GAR1: variants seen among roughly 807,000 people sequenced by gnomAD.
GAR1 encodes the protein GAR1 ribonucleoprotein.
A neutral mutation model predicts 29.3 loss-of-function variants in GAR1; 11 were observed. That is an observed-to-expected ratio of 0.38 (90% CI 0.24 to 0.62). The LOEUF is 0.62. GAR1 is among the 20% of genes least tolerant of loss of function. The pLI is 0.62. For missense variants in GAR1, 237 were observed against 268.4 expected (o/e 0.88, Z 0.82); for synonymous variants, 87 against 93.3 (o/e 0.93, Z 0.39).
Position 109,824,538 on chromosome 4 carries a change from G to A in GAR1, c.*107G>A. ...TCTTGAACAAGTCTTGAAGATCTTG[G>A]TCATTTTATGACAATGGATCTAAAA... On this transcript the variant is annotated 3_prime_UTR_variant, in exon 7 of 7. Transcript: ENST00000226796. The A allele has an allele frequency of 1.2e-6, 1 of 843,020 alleles. No individual in the cohort carries two copies. 52.2% of individuals were successfully genotyped at this position (843,020 alleles called of 1,614,324 possible). A position where few individuals can be genotyped will look rare whatever the true frequency, so the allele number is the denominator to read the frequency against.
At chr4:109,821,255 G>A (rs373576808) in intron 4 of GAR1, among the ~76,000 whole-genome samples, 1 of 152,202 alleles carries the variant, frequency 6.6e-6, no homozygotes, top group Non-Finnish European at 1.5e-5. Flanking sequence ...CTCAGGAACT[G>A]AATTTTTAAA....
chr4:109,820,134 A>C (rs4610335), intron 4 of GAR1, among the ~76,000 whole-genome samples: 25,773 of 152,128 alleles, frequency 0.17, 2,658 homozygotes, highest in Admixed American at 0.33. Context: ...GGTATTTTGG[A>C]CTCGGTAGTG....
Position 109,824,462 on chromosome 4 carries a change from C to G in GAR1, c.*31C>G. On this transcript the variant is annotated 3_prime_UTR_variant, in exon 7 of 7. Transcript: ENST00000226796. Reference sequence around the variant, plus strand: ...ACAGTTGACAGACATCACCAGTTGACTTCTGCATTAACCTGCATGATCTGT... The same window carrying G: ...ACAGTTGACAGACATCACCAGTTGAGTTCTGCATTAACCTGCATGATCTGT... 6.5e-7 allele frequency: 1 copy of G among 1,528,452 alleles called. No individual in the cohort carries two copies. The highest frequency in any genetic ancestry group is 9.1e-7 in the Non-Finnish European group (1 of 1,102,946). 94.7% of individuals were successfully genotyped at this position (1,528,452 alleles called of 1,614,324 possible).
chr4:109,822,655 C>A, intron 5 of GAR1, 167 bp downstream of exon 5: 1 of 632,928 alleles, frequency 1.6e-6, no homozygotes, highest in Non-Finnish European at 2.5e-6. Context: ...TTCATTTCAA[C>A]AACTTACTTA....
intron 4 of GAR1, 183 bp downstream of exon 4, chr4:109,819,243 C>A: frequency 1.7e-6 from 1 of 599,234 alleles, no homozygotes; most frequent in Non-Finnish European, 3.0e-6. Context: ...TTTGATACAG[C>A]CTTTAGAAAG....
chr4:109,822,615 A>T, intron 5 of GAR1, 127 bp downstream of exon 5: 1 of 900,722 alleles, frequency 1.1e-6, no homozygotes, highest in Non-Finnish European at 1.6e-6. Context: ...CTGCTTTCCA[A>T]TATTGGCAGA....
In GAR1 at chr4:109,824,555, G is replaced by C. The variant is rs1416044734; in HGVS notation, c.*124G>C. 1 of 764,872 alleles carries C rather than the reference G, an allele frequency of 1.3e-6. No homozygotes were observed. Among genetic ancestry groups the C allele is most frequent in the Non-Finnish European group, 2.3e-6 (1 of 432,646 alleles). 47.4% of individuals were successfully genotyped at this position (764,872 alleles called of 1,614,324 possible). On this transcript the variant is annotated 3_prime_UTR_variant, in exon 7 of 7. Coordinates refer to ENST00000226796, the MANE Select transcript of GAR1 (RefSeq NM_018983.4). ...AGATCTTGGTCATTTTATGACAATGGATCTAAAATGTCAGCATCATGCAAA... is the reference window on the plus strand; with the variant it reads ...AGATCTTGGTCATTTTATGACAATGCATCTAAAATGTCAGCATCATGCAAA...
intron 5 of GAR1, among the ~76,000 whole-genome samples, chr4:109,823,210 G>A (rs13141065): frequency 0.22 from 33,053 of 152,066 alleles, 4,446 homozygotes; most frequent in East Asian, 0.43. Flanking sequence ...GTGATGGGGT[G>A]ATGGGCAGAG....
At chr4:109,822,856 A>T (rs553593938) in intron 5 of GAR1, among the ~76,000 whole-genome samples, 1 of 152,302 alleles carries the variant, frequency 6.6e-6, no homozygotes, top group East Asian at 1.9e-4. Context: ...TATTTTTAAT[A>T]CTCAGCGAAA....
chr4:109,824,241 T>G (rs1002509582), intron 6 of GAR1, among the ~76,000 whole-genome samples, 177 bp from the exon 7 acceptor site: 3 of 152,158 alleles, frequency 2.0e-5, no homozygotes, highest in Non-Finnish European at 2.9e-5. Flanking sequence ...CTAATTTGTT[T>G]TGCTTTATTA....
At chr4:109,818,160 T>A in intron 3 of GAR1, 70 bp downstream of exon 3, 1 of 1,092,744 alleles carries the variant, frequency 9.2e-7, no homozygotes, top group Non-Finnish European at 1.3e-6. Flanking sequence ...AGGAGGCAGT[T>A]AAGTATAAAT....
At chr4:109,819,843 G>A (rs1733464473) in intron 4 of GAR1, among the ~76,000 whole-genome samples, 1 of 152,322 alleles carries the variant, frequency 6.6e-6, no homozygotes, top group East Asian at 1.9e-4. Context: ...GATACAAAAA[G>A]GCAGACATAT....
intron 2 of GAR1, 66 bp from the exon 3 acceptor site, chr4:109,817,870 C>T: frequency 7.4e-7 from 1 of 1,348,398 alleles, no homozygotes; most frequent in Non-Finnish European, 1.0e-6. Flanking sequence ...AGAAAGCTTC[C>T]AGAAGCAGTT....
At chr4:109,823,937 G>A (rs754050816) in intron 5 of GAR1, 28 bp from the exon 6 acceptor site, 1 of 1,405,508 alleles carries the variant, frequency 7.1e-7, no homozygotes, top group African/African-American at 1.4e-5. Flanking sequence ...TAAATACTTT[G>A]CGTTATTATT....
rs78649517 is a variant in GAR1 at position 109,819,074 on chromosome 4, A to G, written c.429+14A>G. Reference sequence around the variant, plus strand: ...AAACTACAGAAGGTGAGTCAAACTTATGATACTTGGGATCCTTGGTTTTAT... The same window carrying G: ...AAACTACAGAAGGTGAGTCAAACTTGTGATACTTGGGATCCTTGGTTTTAT... On this transcript the variant is annotated intron_variant, in intron 4 of 6. Coordinates refer to ENST00000226796, the MANE Select transcript of GAR1 (RefSeq NM_018983.4). The G allele has an allele frequency of 7.1e-7, 1 of 1,400,342 alleles. No individual in the cohort carries two copies. Among genetic ancestry groups the G allele is most frequent in the Non-Finnish European group, 1.0e-6 (1 of 985,454 alleles). The allele number at this position is 1,400,342 out of a possible 1,614,324, so 86.7% of individuals were successfully genotyped here.
intron 6 of GAR1, 95 bp downstream of exon 6, chr4:109,824,128 G>A: frequency 1.2e-6 from 1 of 853,696 alleles, no homozygotes; most frequent in Non-Finnish European, 1.9e-6. Flanking sequence ...TTCTCTGCCA[G>A]CAAGTATATA....
In GAR1 at chr4:109,822,401, C is replaced by T; in HGVS notation, c.484C>T (p.Pro162Ser). 1 of 1,611,178 alleles carries T rather than the reference C, an allele frequency of 6.2e-7. No homozygotes were observed. The highest frequency in any genetic ancestry group is 8.5e-7 in the Non-Finnish European group (1 of 1,178,382). ...LPLQRFLPRP[P>S]GEKGPPRGGG... ...ACTGCAGAGGTTTTTACCTCGACCTCCAGGTGAGAAAGGACCTCCAAGAGG... is the reference window on the plus strand; with the variant it reads ...ACTGCAGAGGTTTTTACCTCGACCTTCAGGTGAGAAAGGACCTCCAAGAGG... Residue 162 changes from proline to serine, a missense_variant, in exon 5 of 7, where the codon CCA (proline) becomes TCA (serine). Coordinates refer to ENST00000226796, the MANE Select transcript of GAR1 (RefSeq NM_018983.4).
At chr4:109,819,109 ACCTATCTTAGGAAAGT>A (rs757799084) in intron 4 of GAR1, 49 bp downstream of exon 4, 2 of 956,892 alleles carry the variant, frequency 2.1e-6, no homozygotes, top group Non-Finnish European at 3.4e-6. Flanking sequence ...TAAGGGAACG[ACCTATCTTAGGAAAGT>A]CCTACTTGGA....
chr4:109,822,261 A>C, intron 4 of GAR1, 86 bp from the exon 5 acceptor site: 1 of 732,786 alleles, frequency 1.4e-6, no homozygotes, highest in Non-Finnish European at 2.2e-6. Context: ...GAACCCAGGC[A>C]GTTTTGACTC....
Sources: allele counts gnomAD v4.1 joint callset (sites outside exome capture counted in the v4.1 genomes callset), GRCh38; gene constraint gnomAD v4.1.1; transcripts MANE v1.5; gene names NCBI Gene and HGNC (gene_info 2026-07-23, HGNC 2026-07-21).